Variants in CCDC59 observed in about 807,000 individuals in gnomAD.
The protein encoded by CCDC59 is thyroid transcription factor 1-associated protein 26.
Under a neutral mutation model 30.5 loss-of-function variants are expected in CCDC59, and 27 were observed. The ratio of observed to expected loss-of-function variants is 0.89; its 90% CI spans 0.65 to 1.22. The LOEUF is 1.22. Ranked by LOEUF, CCDC59 falls within the 50% of genes most tolerant of loss-of-function variation. The pLI, the probability that CCDC59 is intolerant of heterozygous loss-of-function variation, is 0.00. For missense variants in CCDC59, 362 were observed against 284.4 expected (o/e 1.27, Z -1.96); for synonymous variants, 125 against 100.9 (o/e 1.24, Z -1.43).
Position 82,353,204 on chromosome 12 carries a change from T to C in CCDC59, c.673A>G (p.Asn225Asp), listed in dbSNP as rs1342180854. 4 of 1,611,966 alleles carry C rather than the reference T, an allele frequency of 2.5e-6. No individual in the cohort carries two copies. In the Admixed American group the frequency reaches 6.7e-5, roughly 27 times the overall value. The change falls in exon 4 of 4, where the codon AAC becomes GAC. Residue 225 changes from asparagine (N) to aspartate (D), a missense_variant. Coordinates refer to ENST00000256151, the MANE Select transcript of CCDC59 (RefSeq NM_014167.5). ...AGGTACTCCATTTGTACATTCAAGTTTGGTTGGCCCTTTTTAGTCTTTTTG... is the reference window on the plus strand; with the variant it reads ...AGGTACTCCATTTGTACATTCAAGTCTGGTTGGCCCTTTTTAGTCTTTTTG... The part of the protein sequence containing the change: ...LNKKTKKGQP[N>D]LNVQMEYLLQ...
intron 3 of CCDC59, among the ~76,000 whole-genome samples, chr12:82,353,965 A>G (rs1280428718): frequency 2.0e-5 from 3 of 151,956 alleles, no homozygotes; most frequent in Non-Finnish European, 4.4e-5. Context: ...CTGGTCTACA[A>G]TTCTGGTTTT....
In CCDC59 at chr12:82,352,631, A is replaced by T. The variant is rs574776419; in HGVS notation, c.*520T>A. On this transcript the variant is annotated 3_prime_UTR_variant, in exon 4 of 4. Coordinates refer to ENST00000256151, the MANE Select transcript of CCDC59 (RefSeq NM_014167.5). ...TTAAGGGAATGTTTATAAATATCAG[A>T]CTTTGAGTTCACTGCTTTGTGAAGG... 1 of 152,466 alleles carries T rather than the reference A, an allele frequency of 6.6e-6. No homozygotes were observed. The highest frequency in any genetic ancestry group is 6.5e-5 in the Admixed American group (1 of 15,310). The allele number at this position is 152,466 out of a possible 1,614,324, so 9.4% of individuals were successfully genotyped here. A position where few individuals can be genotyped will look rare whatever the true frequency, so the allele number is the denominator to read the frequency against.
rs759976275 is a variant in CCDC59, at chr12:82,352,806, T to G, written c.*345A>C. The G allele has an allele frequency of 6.2e-6, 1 of 162,006 alleles. No individual in the cohort carries two copies. Among genetic ancestry groups the G allele is most frequent in the African/African-American group, 2.4e-5 (1 of 41,794 alleles). 10.0% of individuals were successfully genotyped at this position (162,006 alleles called of 1,614,324 possible). ...AACGTAACTGTTTACTAAATTGAAA[T>G]ATTTCATTGAAATGCTTCATTGATA... On this transcript the variant is annotated 3_prime_UTR_variant, in exon 4 of 4. Coordinates refer to ENST00000256151, the MANE Select transcript of CCDC59 (RefSeq NM_014167.5).
intron 2 of CCDC59, chr12:82,355,838 A>G (rs1390130801): frequency 2.0e-5 from 3 of 152,148 alleles, no homozygotes; most frequent in African/African-American, 4.8e-5. Context: ...CTCAATGACA[A>G]TATTTTCCCT....
chr12:82,357,390 T>C (rs1385481120), intron 1 of CCDC59, 121 bp from the exon 2 acceptor site: 29 of 790,694 alleles, frequency 3.7e-5, no homozygotes, highest in Middle Eastern at 3.8e-4. Flanking sequence ...TAGTATTATA[T>C]TTTGCTTTAA....
Position 82,353,301 on chromosome 12 carries a change from C to T in CCDC59, c.576G>A (p.Arg192=). 1 of 1,599,146 alleles carries T rather than the reference C, an allele frequency of 6.3e-7. No homozygotes were observed. Among genetic ancestry groups the T allele is most frequent in the Non-Finnish European group, 8.5e-7 (1 of 1,175,644 alleles). The change falls in exon 4 of 4, where the codon AGG becomes AGA. Residue 192 remains arginine (R), a synonymous_variant. Coordinates refer to ENST00000256151, the MANE Select transcript of CCDC59 (RefSeq NM_014167.5). ...GGGCTTCTTCTCTCTCCTGTTTTCT[C>T]CTCTCGAATTCCTAAAATTATTAAC... ...KRAAKKQEFE[R]RKQEREEAQR... is the part of the protein sequence containing the mutation.
intron 2 of CCDC59, 159 bp from the exon 3 acceptor site, chr12:82,354,753 G>A: frequency 1.5e-5 from 8 of 534,514 alleles, no homozygotes; most frequent in South Asian, 5.4e-5. Context: ...AGAAAGCTAT[G>A]AAAAATCCTA....
At position 82,352,688 on chromosome 12, in the gene CCDC59, T is replaced by G. The variant is rs1880863386; in HGVS notation, c.*463A>C. The G allele has an allele frequency of 6.5e-6, 1 of 153,236 alleles. No individual in the cohort carries two copies. Among genetic ancestry groups the G allele is most frequent in the Non-Finnish European group, 1.5e-5 (1 of 68,818 alleles). 9.5% of individuals were successfully genotyped at this position (153,236 alleles called of 1,614,324 possible). A position where few individuals can be genotyped will look rare whatever the true frequency, so the allele number is the denominator to read the frequency against. ...TGTTATATGGTGAGGGCAGTTTATT[T>G]CAGCACCCATCACCCTGTAACATGT... On this transcript the variant is annotated 3_prime_UTR_variant, in exon 4 of 4. Coordinates refer to ENST00000256151, the MANE Select transcript of CCDC59 (RefSeq NM_014167.5).
At chr12:82,354,400 C>G in intron 3 of CCDC59, 95 bp downstream of exon 3, 2 of 862,456 alleles carry the variant, frequency 2.3e-6, no homozygotes, top group Non-Finnish European at 3.4e-6. Context: ...AGAGAGAATA[C>G]TGTGTGCCCA....
upstream of CCDC59, chr12:82,358,721 C>A (rs761881098): frequency 6.2e-7 from 1 of 1,614,176 alleles, no homozygotes; most frequent in Admixed American, 1.7e-5. Context: ...AGCTGGTCGA[C>A]TTGCCACCGG....
chr12:82,355,251 T>A (rs1475296111), intron 2 of CCDC59: 2 of 152,236 alleles, frequency 1.3e-5, no homozygotes, highest in Non-Finnish European at 2.9e-5. Flanking sequence ...CCTTCAACTT[T>A]ATAGTACAGT....
upstream of CCDC59, chr12:82,358,786 C>G (rs1212530591): frequency 6.2e-7 from 1 of 1,613,534 alleles, no homozygotes. Context: ...GCCCTGCCCT[C>G]AGAGACGCGC....
intron 3 of CCDC59, among the ~76,000 whole-genome samples, chr12:82,354,235 G>A (rs1050069713): frequency 3.3e-5 from 5 of 152,074 alleles, no homozygotes; most frequent in African/African-American, 1.2e-4. Context: ...GTGAAACTTT[G>A]TCCCAGATGT....
chr12:82,354,641 CA>C, intron 2 of CCDC59, 47 bp from the exon 3 acceptor site: 5 of 1,498,046 alleles, frequency 3.3e-6, no homozygotes, highest in African/African-American at 1.4e-5. Context: ...GTAAAATGTC[CA>C]AAAAGGTATT....
intron 2 of CCDC59, among the ~76,000 whole-genome samples, chr12:82,356,481 T>C (rs927551399): frequency 1.3e-5 from 2 of 152,236 alleles, no homozygotes; most frequent in African/African-American, 4.8e-5. Flanking sequence ...ATTCTGGAGC[T>C]GTGCAACATG....
chr12:82,358,326 C>A lies in CCDC59; in HGVS notation c.51G>T (p.Ala17=). The part of the protein sequence containing the change: ...SAKWRPGGIE[A]RGEGVSTVGY... ...CGACAGTGGAAACCCCTTCACCACG[C>A]GCCTCAATACCACCAGGCCGCCACT... Residue 17 remains alanine, a synonymous_variant, in exon 1 of 4, where the codon GCG becomes GCT. Transcript: ENST00000256151. 1 of 1,614,124 alleles carries A rather than the reference C, an allele frequency of 6.2e-7. No individual in the cohort carries two copies. The highest frequency in any genetic ancestry group is 8.5e-7 in the Non-Finnish European group (1 of 1,180,030).
intron 2 of CCDC59, 69 bp from the exon 3 acceptor site, chr12:82,354,663 T>C: frequency 7.0e-7 from 1 of 1,426,700 alleles, no homozygotes; most frequent in African/African-American, 1.4e-5. Flanking sequence ...AAAAACACAG[T>C]TGTAGCTTTT....
At chr12:82,356,617 C>T (rs1881026544) in intron 2 of CCDC59, among the ~76,000 whole-genome samples, 5 of 152,106 alleles carry the variant, frequency 3.3e-5, no homozygotes, top group Admixed American at 2.0e-4. Context: ...GCTCTAGAAC[C>T]CATACTGTTA....
intron 2 of CCDC59, 176 bp from the exon 3 acceptor site, chr12:82,354,770 TA>T (rs955128500): frequency 9.3e-3 from 3,682 of 394,546 alleles, no homozygotes; most frequent in East Asian, 0.012. Flanking sequence ...CCTAAAATGT[TA>T]AAAAAAAAAA....
Sources: gnomAD v4.1 joint callset for allele counts (sites outside exome capture counted in the v4.1 genomes callset) on GRCh38, gnomAD v4.1.1 for gene constraint, MANE v1.5 for transcripts, NCBI Gene and HGNC (gene_info 2026-07-23, HGNC 2026-07-21) for gene names.